Variants in VWA8 observed in about 807,000 individuals in gnomAD.
VWA8 encodes the protein von Willebrand factor A domain containing 8.
VWA8 carries 221 observed loss-of-function variants against 241.5 expected under a neutral mutation model. The observed-to-expected ratio is 0.91, with a 90% CI of 0.82 to 1.02. The LOEUF (loss-of-function observed/expected upper bound fraction) is 1.02, where lower values mean the gene tolerates loss of function less well. VWA8 is among the 50% of genes least tolerant of loss of function. VWA8 has a pLI of 0.00. For synonymous variants in VWA8, 852 were observed against 827.1 expected, an observed-to-expected ratio of 1.03 and a Z score of -0.52; for missense variants, 2,322 against 2,328.7, an observed-to-expected ratio of 1.00 and a Z score of 0.06.
At chr13:41,754,976 T>C (rs1183869165) in intron 21 of VWA8, among the ~76,000 whole-genome samples, 2 of 152,086 alleles carry the variant, frequency 1.3e-5, no homozygotes, top group Admixed American at 6.6e-5. Context: ...CTATTGTGTA[T>C]ATATATCACA....
chr13:41,572,196 G>T (rs998333328), intron 43 of VWA8, among the ~76,000 whole-genome samples: 1 of 150,786 alleles, frequency 6.6e-6, no homozygotes, highest in Non-Finnish European at 1.5e-5. Flanking sequence ...CCCCCGCCCC[G>T]CCAGCCGCCC....
chr13:41,839,578 G>A (rs1244929588), intron 12 of VWA8, among the ~76,000 whole-genome samples: 2 of 152,152 alleles, frequency 1.3e-5, no homozygotes, highest in East Asian at 3.9e-4. Context: ...CCTATGTCCT[G>A]AATGGTATTA....
chr13:41,960,977 G>A lies in VWA8; in HGVS notation c.39C>T (p.Gly13=). The A allele has an allele frequency of 7.0e-7, 1 of 1,423,054 alleles. No individual in the cohort carries two copies. Among genetic ancestry groups the A allele is most frequent in the Non-Finnish European group, 9.1e-7 (1 of 1,097,318 alleles). The allele number at this position is 1,423,054 out of a possible 1,614,324, so 88.2% of individuals were successfully genotyped here. A position where few individuals can be genotyped will look rare whatever the true frequency, so the allele number is the denominator to read the frequency against. ...SRLLLLGAPG[G]HGGPASRRMR... The stretch of plus-strand genomic sequence containing the variant: ...TGCGCCGCGAGGCCGGGCCGCCGTG[G>A]CCTCCGGGTGCCCCGAGGAGTAGAA... Residue 13 remains glycine, a synonymous_variant, in exon 1 of 45, where the codon GGC becomes GGT. Transcript: ENST00000379310.
At chr13:41,802,147 C>T (rs754551148) in intron 17 of VWA8, among the ~76,000 whole-genome samples, 7 of 152,180 alleles carry the variant, frequency 4.6e-5, no homozygotes, top group Non-Finnish European at 8.8e-5. Flanking sequence ...TCTTGAATTG[C>T]CTACACCACC....
intron 2 of VWA8, among the ~76,000 whole-genome samples, chr13:41,934,347 G>C (rs77121053): frequency 0.018 from 2,683 of 152,034 alleles, 85 homozygotes; most frequent in African/African-American, 0.06. Flanking sequence ...GGAGGAACTG[G>C]AACTCTGATA....
intron 26 of VWA8, among the ~76,000 whole-genome samples, chr13:41,711,452 G>A (rs1323950668): frequency 1.3e-5 from 2 of 152,174 alleles, no homozygotes; most frequent in Non-Finnish European, 1.5e-5. Context: ...CCTACTCTAA[G>A]TTGTAATGAC....
At chr13:41,801,118 TTA>T (rs1306705825) in intron 17 of VWA8, among the ~76,000 whole-genome samples, 1 of 151,334 alleles carries the variant, frequency 6.6e-6, no homozygotes, top group Non-Finnish European at 1.5e-5. Context: ...AGATCAACTC[TTA>T]TTATTTATTT....
At chr13:41,579,982 G>A (rs1279138517) in intron 42 of VWA8, among the ~76,000 whole-genome samples, 1 of 151,624 alleles carries the variant, frequency 6.6e-6, no homozygotes, top group Non-Finnish European at 1.5e-5. Context: ...GAGTAGCTGG[G>A]ACCACAGGCA....
At chr13:41,911,893 A>T in intron 3 of VWA8, 145 bp downstream of exon 3, 1 of 1,059,788 alleles carries the variant, frequency 9.4e-7, no homozygotes, top group Non-Finnish European at 1.2e-6. Context: ...TATGCCAAAC[A>T]CTTTATAAAC....
At position 41,881,372 on chromosome 13, in the gene VWA8, CGGGGG is replaced by C. The variant is rs756711531; in HGVS notation, c.1080+2010_1080+2014del. On this transcript the variant is annotated intron_variant, in intron 9 of 44. Transcript: ENST00000379310. Reference sequence around the variant, plus strand: ...CTAGAACATCATAGTTTTTTTTTGCCGGGGGGGGGGGGGGGGGGGTAAGGTCACAG... The same window carrying C: ...CTAGAACATCATAGTTTTTTTTTGCCGGGGGGGGGGGGGGTAAGGTCACAG... Among the ~76,000 whole-genome samples, 74 of 8,288 alleles carry C rather than the reference CGGGGG, an allele frequency of 8.9e-3. 3 individuals are homozygous for C. The highest frequency in any genetic ancestry group is 0.044 in the African/African-American group (58 of 1,310). The allele number at this position is 8,288 out of a possible 152,430, so 5.4% of individuals were successfully genotyped here. A position where few individuals can be genotyped will look rare whatever the true frequency, so the allele number is the denominator to read the frequency against.
At chr13:41,695,369 C>T (rs1035476415) in intron 29 of VWA8, among the ~76,000 whole-genome samples, 4 of 152,096 alleles carry the variant, frequency 2.6e-5, no homozygotes, top group African/African-American at 7.2e-5. Context: ...CAGGGACATG[C>T]ATCTGAGCAA....
At position 41,711,746 on chromosome 13, in the gene VWA8, T is replaced by C. The variant is rs537642924; in HGVS notation, c.3116+7845A>G. On this transcript the variant is annotated intron_variant, in intron 26 of 44. Transcript: ENST00000379310. ...AAAATTAGCGGGGCGTGGTGGCGGG[T>C]GCCTATAGTCCCAGCTACTTGGGAG... 4.1e-4 allele frequency among the ~76,000 whole-genome samples: 62 copies of C among 151,848 alleles called. 1 individual carries two copies. The highest frequency in any genetic ancestry group is 3.4e-3 in the Middle Eastern group (1 of 294).
chr13:41,818,346 T>C (rs1486854875), intron 15 of VWA8, among the ~76,000 whole-genome samples: 1 of 125,790 alleles, frequency 7.9e-6, no homozygotes, highest in Admixed American at 8.1e-5. Flanking sequence ...CAAGGGGGGG[T>C]GGATCAATTG....
chr13:41,915,782 A>G (rs1398715627), intron 2 of VWA8, among the ~76,000 whole-genome samples: 2 of 152,210 alleles, frequency 1.3e-5, no homozygotes, highest in Non-Finnish European at 2.9e-5. Context: ...TTCTTAATAC[A>G]TATAAGCTAC....
At chr13:41,656,641 T>C (rs1419152437) in intron 37 of VWA8, among the ~76,000 whole-genome samples, 1 of 152,176 alleles carries the variant, frequency 6.6e-6, no homozygotes, top group East Asian at 1.9e-4. Flanking sequence ...AAATGGAAGA[T>C]AAAATTAATG....
At chr13:41,574,643 G>C (rs1284687676) in intron 43 of VWA8, among the ~76,000 whole-genome samples, 1 of 152,194 alleles carries the variant, frequency 6.6e-6, no homozygotes, top group South Asian at 2.1e-4. Context: ...CAGCAAATCT[G>C]AAGGCATCAC....
At chr13:41,841,679 G>A (rs1345428493) in intron 12 of VWA8, among the ~76,000 whole-genome samples, 2 of 147,990 alleles carry the variant, frequency 1.4e-5, no homozygotes, top group African/African-American at 5.0e-5. Context: ...CCAGCTACTC[G>A]GGAGGGGAGG....
intron 20 of VWA8, among the ~76,000 whole-genome samples, chr13:41,773,692 T>A (rs1868430956): frequency 6.6e-6 from 1 of 152,216 alleles, no homozygotes; most frequent in African/African-American, 2.4e-5. Context: ...GAATTGAAGT[T>A]GGCTAAAGGA....
At chr13:41,767,445 T>C (rs1258831934) in intron 20 of VWA8, among the ~76,000 whole-genome samples, 1 of 152,206 alleles carries the variant, frequency 6.6e-6, no homozygotes, top group Non-Finnish European at 1.5e-5. Context: ...CTAAATACTA[T>C]TTTACAATGA....
Sources: gnomAD v4.1 joint callset for allele counts (sites outside exome capture counted in the v4.1 genomes callset) on GRCh38, gnomAD v4.1.1 for gene constraint, MANE v1.5 for transcripts, NCBI Gene and HGNC (gene_info 2026-07-23, HGNC 2026-07-21) for gene names.